The following OGN variants were observed in gnomAD, a reference collection of about 807,000 sequenced individuals.
OGN encodes osteoglycin, also known as mimecan.
Under a neutral mutation model 30.8 loss-of-function variants are expected in OGN, and 19 were observed. The observed-to-expected ratio is 0.62, with a 90% confidence interval of 0.43 to 0.90. OGN has a LOEUF of 0.90. Ranked by LOEUF, OGN falls within the 40% of genes least tolerant of loss-of-function variation. The pLI is 0.00. For missense variants in OGN, 283 were observed against 349.7 expected (o/e 0.81, Z 1.52); for synonymous variants, 126 against 128.3 (o/e 0.98, Z 0.12).
Position 92,386,240 on chromosome 9 carries a change from A to C in OGN, c.687T>G (p.Pro229=), listed in dbSNP as rs138221784. 3.1e-4 allele frequency: 506 copies of C among 1,613,484 alleles called. No homozygotes were observed. Among genetic ancestry groups the C allele is most frequent in the Non-Finnish European group, 4.1e-4 (480 of 1,179,584 alleles). The part of the protein sequence containing the change: ...YLDHNALESV[P]LNLPESLRVI... Reference sequence around the variant, plus strand: ...CACGTAGACTTTCTGGTAAATTAAGAGGCACGGATTCCAGGGCATTATGGT... The same window carrying C: ...CACGTAGACTTTCTGGTAAATTAAGCGGCACGGATTCCAGGGCATTATGGT... Residue 229 remains proline (P), a synonymous_variant, in exon 6 of 7, where the codon CCT becomes CCG. Transcript: ENST00000375561.
rs554217853 is a variant in OGN, at chr9:92,403,649, A to G, written c.-75-167T>C. 59 of 1,149,510 alleles carry G rather than the reference A, an allele frequency of 5.1e-5. 1 individual carries two copies. In the South Asian group the frequency reaches 2.3e-3, roughly 46 times the overall value. The allele number at this position is 1,149,510 out of a possible 1,614,324, so 71.2% of individuals were successfully genotyped here. ...TGAACATTCTGAAAAATAGTTTTGGAAAATAGTTTTACTTCTCTATCAGAA... is the reference window on the plus strand; with the variant it reads ...TGAACATTCTGAAAAATAGTTTTGGGAAATAGTTTTACTTCTCTATCAGAA... On this transcript the variant is annotated intron_variant, in intron 1 of 6. Transcript: ENST00000375561.
intron 4 of OGN, among the ~76,000 whole-genome samples, chr9:92,390,441 T>G (rs143229943): frequency 6.6e-6 from 1 of 152,302 alleles, no homozygotes; most frequent in East Asian, 1.9e-4. Flanking sequence ...TGCTGGCATG[T>G]TGCGTTGTGA....
At position 92,403,454 on chromosome 9, in the gene OGN, C is replaced by G. The variant is rs1405689987; in HGVS notation, c.-47G>C. The G allele has an allele frequency of 2.6e-6, 4 of 1,557,016 alleles. No homozygotes were observed. The highest frequency in any genetic ancestry group is 3.5e-6 in the Non-Finnish European group (4 of 1,155,014). On this transcript the variant is annotated 5_prime_UTR_variant, in exon 2 of 7. Coordinates refer to ENST00000375561, the MANE Select transcript of OGN (RefSeq NM_014057.5). The stretch of plus-strand genomic sequence containing the variant: ...TGGAAGTTAATAAACTAGTGGCCTG[C>G]TGACTGTGGGACAAAACTCTCTTTT...
chr9:92,395,395 G>C (rs1842853669), intron 3 of OGN, among the ~76,000 whole-genome samples: 1 of 152,002 alleles, frequency 6.6e-6, no homozygotes, highest in Non-Finnish European at 1.5e-5. Flanking sequence ...GTATTCAATT[G>C]TCTCAATATA....
chr9:92,391,565 C>T (rs1251664095), intron 4 of OGN, among the ~76,000 whole-genome samples: 8 of 152,180 alleles, frequency 5.3e-5, no homozygotes, highest in African/African-American at 1.9e-4. Context: ...CACCACTGCA[C>T]TTCAGCCTGG....
rs184120445 is a variant in OGN at position 92,385,433 on chromosome 9, C to T, written c.*187G>A. 9 of 533,650 alleles carry T rather than the reference C, an allele frequency of 1.7e-5. No homozygotes were observed. In the East Asian group the frequency reaches 1.9e-4, roughly 11 times the overall value. 33.1% of individuals were successfully genotyped at this position (533,650 alleles called of 1,614,324 possible). A position where few individuals can be genotyped will look rare whatever the true frequency, so the allele number is the denominator to read the frequency against. On this transcript the variant is annotated 3_prime_UTR_variant, in exon 7 of 7. Transcript: ENST00000375561. Reference sequence around the variant, plus strand: ...TATTTTCATATTACTTTGTTTCGAACGTAGACATTCAGTCTTACTTTTTAC... The same window carrying T: ...TATTTTCATATTACTTTGTTTCGAATGTAGACATTCAGTCTTACTTTTTAC...
intron 5 of OGN, among the ~76,000 whole-genome samples, chr9:92,386,503 A>C (rs928686985): frequency 6.6e-6 from 1 of 151,918 alleles, no homozygotes; most frequent in Non-Finnish European, 1.5e-5. Context: ...TTGATCCTTT[A>C]TGATGGCCAG....
rs571426340 is a variant in OGN at position 92,404,477 on chromosome 9, A to G, written c.-76+19T>C. 1.0e-4 allele frequency: 125 copies of G among 1,255,686 alleles called. 1 individual carries two copies. In the South Asian group the frequency reaches 1.7e-3, roughly 17 times the overall value. The allele number at this position is 1,255,686 out of a possible 1,614,324, so 77.8% of individuals were successfully genotyped here. ...TTTAACAAACAATATTTAAAATAAT[A>G]TATGAAAAGTAAGCCTACCGTTGTA... On this transcript the variant is annotated intron_variant, in intron 1 of 6. Transcript: ENST00000375561.
At chr9:92,385,830 A>G (rs1564289725) in intron 6 of OGN, 40 bp from the exon 7 acceptor site, 2 of 1,606,110 alleles carry the variant, frequency 1.2e-6, no homozygotes, top group South Asian at 1.1e-5. Context: ...GAAATCTGAA[A>G]TCAACCTTTC....
chr9:92,397,140 A>G (rs570829776), intron 3 of OGN, among the ~76,000 whole-genome samples: 13 of 152,126 alleles, frequency 8.5e-5, no homozygotes, highest in African/African-American at 3.1e-4. Flanking sequence ...TCATGCCACT[A>G]TACTCCAGCA....
Position 92,383,363 on chromosome 9 carries a change from T to C in OGN, c.*2257A>G, listed in dbSNP as rs1219182929. Among the ~76,000 whole-genome samples the C allele has an allele frequency of 6.6e-6, 1 of 152,198 alleles. No homozygotes were observed. The highest frequency in any genetic ancestry group is 2.4e-5 in the African/African-American group (1 of 41,438). On this transcript the variant is annotated 3_prime_UTR_variant, in exon 7 of 7. Transcript: ENST00000375561. ...CATTGAGATTTTGATGGCAACTGTG[T>C]TCAGTCTGCATATCATATTGGATAG...
intron 4 of OGN, among the ~76,000 whole-genome samples, chr9:92,390,673 A>G (rs141111298): frequency 2.1e-4 from 32 of 152,312 alleles, no homozygotes; most frequent in African/African-American, 7.0e-4. Context: ...ATCATGTTCT[A>G]TAAAATTACC....
At chr9:92,401,296 G>C in intron 2 of OGN, 111 bp from the exon 3 acceptor site, 1 of 588,278 alleles carries the variant, frequency 1.7e-6, no homozygotes, top group South Asian at 2.3e-5. Context: ...CATTTCCTTT[G>C]TGCTCCATTA....
chr9:92,395,963 G>A (rs1024723199), intron 3 of OGN, among the ~76,000 whole-genome samples: 3 of 151,810 alleles, frequency 2.0e-5, no homozygotes, highest in Non-Finnish European at 4.4e-5. Context: ...TTGACACTTT[G>A]TTTTCTTCTA....
chr9:92,396,502 TAGG>T (rs1842895945), intron 3 of OGN, among the ~76,000 whole-genome samples: 1 of 152,112 alleles, frequency 6.6e-6, no homozygotes, highest in African/African-American at 2.4e-5. Flanking sequence ...TCCTTATATA[TAGG>T]TCTTCTTTAT....
intron 3 of OGN, among the ~76,000 whole-genome samples, chr9:92,400,440 C>T (rs956214703): frequency 3.3e-5 from 5 of 152,224 alleles, no homozygotes; most frequent in Non-Finnish European, 4.4e-5. Flanking sequence ...TGAGCCACCA[C>T]GCCCAGCCTG....
chr9:92,393,390 G>A (rs1004682783), intron 3 of OGN, 146 bp from the exon 4 acceptor site: 20 of 602,944 alleles, frequency 3.3e-5, no homozygotes, highest in African/African-American at 2.6e-4. Context: ...ATGGTAACTC[G>A]TTACCTATAT....
rs375223913 is a variant in OGN at position 92,387,434 on chromosome 9, CAGTT to C, written c.631-1142_631-1139del. ...ATGTTTCCCAAAGCAGTTTAGCAAA[CAGTT>C]AGCTTGATGCAGGTTTTTTCCCTAA... On this transcript the variant is annotated intron_variant, in intron 5 of 6. Coordinates refer to ENST00000375561, the MANE Select transcript of OGN (RefSeq NM_014057.5). 1.7e-4 allele frequency among the ~76,000 whole-genome samples: 26 copies of C among 151,724 alleles called. No homozygotes were observed. The South Asian group carries it at 4.0e-3, about 23-fold the overall frequency.
chr9:92,386,146 A>C (rs1842410177), intron 6 of OGN, 55 bp downstream of exon 6: 5 of 1,359,770 alleles, frequency 3.7e-6, no homozygotes, highest in Non-Finnish European at 4.2e-6. Flanking sequence ...AATGAGTCAC[A>C]AGATTTTGAC....
Sources: allele counts gnomAD v4.1 joint callset (sites outside exome capture counted in the v4.1 genomes callset), GRCh38; gene constraint gnomAD v4.1.1; transcripts MANE v1.5; gene names NCBI Gene and HGNC (gene_info 2026-07-23, HGNC 2026-07-21).